CACNA1E: variants seen among roughly 807,000 people sequenced by gnomAD.
CACNA1E encodes voltage-dependent R-type calcium channel subunit alpha-1E.
A neutral mutation model predicts 259.2 loss-of-function variants in CACNA1E; 40 were observed. The ratio of observed to expected loss-of-function variants is 0.15; its 90% CI spans 0.12 to 0.20. CACNA1E has a LOEUF of 0.20. Ranked by LOEUF, CACNA1E falls within the 10% of genes least tolerant of loss-of-function variation. The pLI is 1.00. For missense variants in CACNA1E, 1,874 were observed against 3,040.1 expected (o/e 0.62, Z 9.02); for synonymous variants, 1,104 against 1,138.5 (o/e 0.97, Z 0.61).
intron 7 of CACNA1E, among the ~76,000 whole-genome samples, chr1:181,672,024 G>A (rs1237808295): frequency 6.6e-6 from 1 of 152,096 alleles, no homozygotes. Context: ...AGAAAATGTG[G>A]TACATATACT....
Position 181,737,616 on chromosome 1 carries a change from G to A in CACNA1E, c.3514G>A (p.Ala1172Thr). 1 of 1,614,050 alleles carries A rather than the reference G, an allele frequency of 6.2e-7. No homozygotes were observed. Among genetic ancestry groups the A allele is most frequent in the South Asian group, 1.1e-5 (1 of 91,084 alleles). Reference protein sequence around the residue: ...VIAASSIALAAEDPVLTNSER... With the variant: ...VIAASSIALATEDPVLTNSER... ...TGCAGCCAGCAGCATCGCCCTGGCG[G>A]CAGAGGACCCCGTCCTGACCAACTC... The change falls in exon 23 of 48, where the codon GCA (alanine) becomes ACA (threonine). Residue 1172 changes from alanine to threonine, a missense_variant. By Grantham distance (58) the Ala-to-Thr change is moderately conservative. This residue lies in a region of CACNA1E where 56 missense variants were observed against 97.4 expected (regional missense o/e 0.57). Coordinates refer to ENST00000367573, the MANE Select transcript of CACNA1E (RefSeq NM_001205293.3).
chr1:181,638,996 T>C (rs939649487), intron 6 of CACNA1E, among the ~76,000 whole-genome samples: 2 of 152,232 alleles, frequency 1.3e-5, no homozygotes, highest in East Asian at 1.9e-4. Flanking sequence ...GTTTGTTACA[T>C]GTACAATTGC....
chr1:181,681,245 T>C (rs1572581363), intron 7 of CACNA1E, among the ~76,000 whole-genome samples: 1 of 152,282 alleles, frequency 6.6e-6, no homozygotes, highest in South Asian at 2.1e-4. Context: ...CAGATCCATG[T>C]CCCCAACTTC....
chr1:181,447,101 T>C (rs1447613200), intron 2 of CACNA1E, among the ~76,000 whole-genome samples: 1 of 152,210 alleles, frequency 6.6e-6, no homozygotes, highest in African/African-American at 2.4e-5. Flanking sequence ...AAAGGGTGCC[T>C]GGATTAGTCT....
At chr1:181,609,140 C>T (rs1467750540) in intron 6 of CACNA1E, among the ~76,000 whole-genome samples, 1 of 152,222 alleles carries the variant, frequency 6.6e-6, no homozygotes, top group South Asian at 2.1e-4. Context: ...CAGTCTCTAC[C>T]TTTGTTGTAA....
At chr1:181,323,002 A>T (rs913888659) in intron 1 of CACNA1E, among the ~76,000 whole-genome samples, 1 of 152,098 alleles carries the variant, frequency 6.6e-6, no homozygotes, top group African/African-American at 2.4e-5. Flanking sequence ...ATAATTTCTA[A>T]CCTGGGTAAA....
chr1:181,634,456 A>G lies in CACNA1E; in HGVS notation c.952-16882A>G, dbSNP rs528140490. 2.6e-5 allele frequency among the ~76,000 whole-genome samples: 4 copies of G among 152,342 alleles called. No homozygotes were observed. The South Asian group carries it at 8.3e-4, about 32-fold the overall frequency. The stretch of plus-strand genomic sequence containing the variant: ...GCAGTTTGCTCAGAATTCTAACACT[A>G]GCCTGTTAGTCTAATCATAACACAT... On this transcript the variant is annotated intron_variant, in intron 6 of 47. Transcript: ENST00000367573.
At chr1:181,722,096 A>G (rs1475359243) in intron 16 of CACNA1E, among the ~76,000 whole-genome samples, 1 of 152,184 alleles carries the variant, frequency 6.6e-6, no homozygotes, top group Non-Finnish European at 1.5e-5. Context: ...CCAAATCTGT[A>G]GTGTATGCAA....
intron 1 of CACNA1E, among the ~76,000 whole-genome samples, chr1:181,391,907 CTG>C (rs1305955940): frequency 7.5e-6 from 1 of 134,026 alleles, no homozygotes; most frequent in Admixed American, 7.8e-5. Flanking sequence ...GTCTCTCTCT[CTG>C]TCTTTCTCTC....
At chr1:181,596,557 C>CGTGTGT (rs60302499) in intron 6 of CACNA1E, among the ~76,000 whole-genome samples, 3,520 of 140,542 alleles carry the variant, frequency 0.025, 74 homozygotes, top group East Asian at 0.075. Flanking sequence ...CCACCATGTA[C>CGTGTGT]GTGTGTGTGT....
chr1:181,779,083 C>T (rs1328967341), intron 38 of CACNA1E, among the ~76,000 whole-genome samples: 1 of 152,320 alleles, frequency 6.6e-6, no homozygotes, highest in Non-Finnish European at 1.5e-5. Flanking sequence ...CTCTGGACAG[C>T]GGTCTGAGTC....
chr1:181,354,046 C>T (rs1000484500), intron 1 of CACNA1E, among the ~76,000 whole-genome samples: 4 of 152,170 alleles, frequency 2.6e-5, no homozygotes. Context: ...TCGGTTCCTC[C>T]CCTGGGACAC....
At chr1:181,728,183 A>T (rs1655092980) in intron 18 of CACNA1E, among the ~76,000 whole-genome samples, 1 of 152,150 alleles carries the variant, frequency 6.6e-6, no homozygotes, top group South Asian at 2.1e-4. Flanking sequence ...AAAAATGTGG[A>T]TGGGTAGGAC....
chr1:181,650,376 G>A (rs1227030463), intron 6 of CACNA1E, among the ~76,000 whole-genome samples: 1 of 152,170 alleles, frequency 6.6e-6, no homozygotes, highest in Admixed American at 6.5e-5. Flanking sequence ...TTTCAAATGG[G>A]TCTTAGAGTT....
intron 33 of CACNA1E, among the ~76,000 whole-genome samples, 191 bp downstream of exon 33, chr1:181,762,848 G>A (rs1304459233): frequency 6.6e-6 from 1 of 152,186 alleles, no homozygotes; most frequent in East Asian, 1.9e-4. Flanking sequence ...GGATCTCCAG[G>A]AAGGCTTTGT....
chr1:181,566,149 C>T (rs1202846724), intron 3 of CACNA1E, among the ~76,000 whole-genome samples: 3 of 152,112 alleles, frequency 2.0e-5, no homozygotes, highest in African/African-American at 4.8e-5. Flanking sequence ...ATATATGTGC[C>T]TTTGGGATAT....
At chr1:181,344,781 C>T (rs1652457350) in intron 1 of CACNA1E, among the ~76,000 whole-genome samples, 1 of 152,214 alleles carries the variant, frequency 6.6e-6, no homozygotes. Flanking sequence ...AGCACTGAGG[C>T]CCCCGGGCTG....
At chr1:181,586,914 TG>T (rs893553301) in intron 6 of CACNA1E, among the ~76,000 whole-genome samples, 1 of 152,200 alleles carries the variant, frequency 6.6e-6, no homozygotes, top group African/African-American at 2.4e-5. Flanking sequence ...TACATGCTGA[TG>T]GGAATGATCC....
intron 32 of CACNA1E, among the ~76,000 whole-genome samples, chr1:181,762,249 G>A (rs1047288844): frequency 1.3e-5 from 2 of 152,070 alleles, no homozygotes; most frequent in African/African-American, 2.4e-5. Flanking sequence ...CCTCCATAGA[G>A]GTTTTTAAAT....
Sources: allele counts gnomAD v4.1 joint callset (sites outside exome capture counted in the v4.1 genomes callset), GRCh38; gene constraint gnomAD v4.1.1; regional missense constraint gnomAD v4.1.1; transcripts MANE v1.5; gene names NCBI Gene and HGNC (gene_info 2026-07-23, HGNC 2026-07-21).